PPM1D: variants seen among roughly 807,000 people sequenced by gnomAD.
The protein encoded by PPM1D is protein phosphatase, Mg2+/Mn2+ dependent 1D.
PPM1D carries 52 observed loss-of-function variants against 58.3 expected under a neutral mutation model. That is an observed-to-expected ratio of 0.89 (90% CI 0.71 to 1.12). The LOEUF is 1.12. PPM1D is among the 50% of genes most tolerant of loss of function. The pLI is 0.00. For synonymous variants in PPM1D, 278 were observed against 285.1 expected (o/e 0.98, Z 0.25); for missense variants, 564 against 777.2 (o/e 0.73, Z 3.26).
At position 60,623,598 on chromosome 17, in the gene PPM1D, A is replaced by C. The variant is rs750456751; in HGVS notation, c.550A>C (p.Lys184Gln). ...CAGTGTGGTCATCATTCGGGGCATGAAGATGTATGTAGCTCACGTAGGTGA... is the reference window on the plus strand; with the variant it reads ...CAGTGTGGTCATCATTCGGGGCATGCAGATGTATGTAGCTCACGTAGGTGA... ...TASVVIIRGM[K>Q]MYVAHVGDSG... Residue 184 changes from lysine to glutamine, a missense_variant, in exon 2 of 6, where the codon AAG becomes CAG. Transcript: ENST00000305921. 4 of 1,614,180 alleles carry C rather than the reference A, an allele frequency of 2.5e-6. No individual in the cohort carries two copies. The South Asian group carries it at 3.3e-5, about 13-fold the overall frequency.
chr17:60,623,453 C>T (rs2030745402), intron 1 of PPM1D, 68 bp from the exon 2 acceptor site: 11 of 1,415,642 alleles, frequency 7.8e-6, no homozygotes, highest in East Asian at 4.7e-5. Context: ...AGTTTGTTGC[C>T]ATTTGTATCC....
At chr17:60,648,660 G>A (rs751783210) in intron 4 of PPM1D, among the ~76,000 whole-genome samples, 22 of 151,982 alleles carry the variant, frequency 1.4e-4, no homozygotes, top group Non-Finnish European at 2.5e-4. Context: ...GATTACAGGC[G>A]TGAGCCACTG....
intron 1 of PPM1D, among the ~76,000 whole-genome samples, chr17:60,621,590 G>T (rs1358530953): frequency 7.3e-6 from 1 of 136,874 alleles, no homozygotes; most frequent in Non-Finnish European, 1.5e-5. Flanking sequence ...TTTTTGAGAC[G>T]GAGTCTCGCT....
At chr17:60,623,854 C>G in intron 2 of PPM1D, 105 bp downstream of exon 2, 1 of 1,125,804 alleles carries the variant, frequency 8.9e-7, no homozygotes, top group Non-Finnish European at 1.2e-6. Context: ...AAGTTACTTT[C>G]TTAGTATTAC....
rs1260488269 is a variant in PPM1D at position 60,600,857 on chromosome 17, C to A, written c.443C>A (p.Ala148Asp). 1 of 1,613,118 alleles carries A rather than the reference C, an allele frequency of 6.2e-7. No individual in the cohort carries two copies. Among genetic ancestry groups the A allele is most frequent in the Admixed American group, 1.7e-5 (1 of 60,036 alleles). The change falls in exon 1 of 6, where the codon GCT (alanine) becomes GAT (aspartate). Residue 148 changes from alanine to aspartate, a missense_variant. Physicochemically the swap from Ala to Asp is moderately radical, Grantham distance 126 (BLOSUM62 -2). Around this residue, in one of 7 missense-constraint regions of PPM1D, gnomAD observed 95 missense variants for 232.6 expected, o/e 0.41. Coordinates refer to ENST00000305921, the MANE Select transcript of PPM1D (RefSeq NM_003620.4). ...GCTGCCATCCGCAAAGGCTTTCTCG[C>A]TTGTCACCTTGCCATGTGGAAGAAA... ...VCAAIRKGFL[A>D]CHLAMWKKLA...
Position 60,633,845 on chromosome 17 carries a change from A to G in PPM1D, c.702-8A>G. The G allele has an allele frequency of 6.2e-7, 1 of 1,606,530 alleles. No individual in the cohort carries two copies. Among genetic ancestry groups the G allele is most frequent in the Non-Finnish European group, 8.5e-7 (1 of 1,175,234 alleles). ...TTTAGATTATTTATGTGAACTCTTT[A>G]TTTTTAGTGTAATGAACAAGTCTGG... On this transcript the variant is annotated splice_region_variant and splice_polypyrimidine_tract_variant and intron_variant, in intron 2 of 5. Transcript: ENST00000305921.
intron 1 of PPM1D, among the ~76,000 whole-genome samples, chr17:60,621,241 T>C (rs980499384): frequency 2.8e-4 from 42 of 152,204 alleles, no homozygotes; most frequent in African/African-American, 9.7e-4. Context: ...GCTTTCAATG[T>C]ATTTCTTACA....
chr17:60,623,712 C>G lies in PPM1D; in HGVS notation c.664C>G (p.Pro222Ala), dbSNP rs2030750180. The G allele has an allele frequency of 2.4e-5, 39 of 1,614,054 alleles. No individual in the cohort carries two copies. The highest frequency in any genetic ancestry group is 3.2e-5 in the Non-Finnish European group (38 of 1,180,046). The change falls in exon 2 of 6, where the codon CCC (proline) becomes GCC (alanine). Residue 222 changes from proline to alanine, a missense_variant. Pro to Ala is a conservative substitution (Grantham distance 27). Coordinates refer to ENST00000305921, the MANE Select transcript of PPM1D (RefSeq NM_003620.4). The stretch of plus-strand genomic sequence containing the variant: ...GACACAGGACCATAAGCCAGAACTT[C>G]CCAAGGAAAGAGAACGAATCGAAGG... ...EVTQDHKPEL[P>A]KERERIEGLG...
rs2031614560 is a variant in PPM1D, at chr17:60,666,254, C to T, written c.*2702C>T. The T allele has an allele frequency of 6.6e-6, 1 of 151,856 alleles. No homozygotes were observed. The highest frequency in any genetic ancestry group is 6.6e-5 in the Admixed American group (1 of 15,244). The allele number at this position is 151,856 out of a possible 1,614,324, so 9.4% of individuals were successfully genotyped here. A position where few individuals can be genotyped will look rare whatever the true frequency, so the allele number is the denominator to read the frequency against. ...AGTAAAACATCTTAATGTATTTTGT[C>T]CCTAAATAAACTATCTCACTAACAA... On this transcript the variant is annotated 3_prime_UTR_variant, in exon 6 of 6. Transcript: ENST00000305921.
chr17:60,639,423 T>C (rs2031090497), intron 3 of PPM1D, among the ~76,000 whole-genome samples: 1 of 151,836 alleles, frequency 6.6e-6, no homozygotes, highest in Admixed American at 6.6e-5. Context: ...AAACTGAACA[T>C]TTTTAATTCT....
Position 60,663,476 on chromosome 17 carries a change from G to T in PPM1D, c.1742G>T (p.Arg581Leu). The change falls in exon 6 of 6, where the codon CGA becomes CTA. Residue 581 changes from arginine (R) to leucine (L), a missense_variant. Physicochemically the swap from Arg to Leu is moderately radical, Grantham distance 102. Coordinates refer to ENST00000305921, the MANE Select transcript of PPM1D (RefSeq NM_003620.4). ...QRKNSVKLTM[R>L]RRLRGQKKIG... ...AAGAACTCTGTTAAACTCACCATGC[G>T]ACGCAGACTTAGGGGCCAGAAGAAA... The T allele has an allele frequency of 6.2e-7, 1 of 1,613,970 alleles. No homozygotes were observed.
rs763742165 is a variant in PPM1D at position 60,648,076 on chromosome 17, C to T, written c.1011C>T (p.Tyr337=). ...SMCQDQEEKK[Y]LMGEHGQSCA... ...GCCAGGACCAAGAGGAGAAAAAATA[C>T]CTGATGGTGAGATGTGATTGAATAA... Residue 337 remains tyrosine (Y), a synonymous_variant, in exon 4 of 6, where the codon TAC becomes TAT. Coordinates refer to ENST00000305921, the MANE Select transcript of PPM1D (RefSeq NM_003620.4). The T allele has an allele frequency of 1.2e-6, 2 of 1,606,482 alleles. No homozygotes were observed. Among genetic ancestry groups the T allele is most frequent in the Non-Finnish European group, 1.7e-6 (2 of 1,177,396 alleles).
chr17:60,641,045 A>G (rs989173113), intron 3 of PPM1D, among the ~76,000 whole-genome samples: 2 of 152,086 alleles, frequency 1.3e-5, no homozygotes, highest in Non-Finnish European at 2.9e-5. Context: ...GCTATTGTGA[A>G]TAGTGCTGCA....
intron 2 of PPM1D, among the ~76,000 whole-genome samples, chr17:60,631,614 A>T (rs2030922583): frequency 6.6e-6 from 1 of 151,948 alleles, no homozygotes; most frequent in Non-Finnish European, 1.5e-5. Flanking sequence ...CCAAAAAAAA[A>T]AGGGTGGGGG....
chr17:60,639,134 A>G (rs758509932), intron 3 of PPM1D, among the ~76,000 whole-genome samples: 2 of 151,948 alleles, frequency 1.3e-5, no homozygotes, highest in African/African-American at 2.4e-5. Context: ...TTTTTTTTTG[A>G]GACTGAGTTT....
intron 4 of PPM1D, among the ~76,000 whole-genome samples, chr17:60,648,453 C>T (rs746956868): frequency 3.3e-5 from 5 of 149,434 alleles, no homozygotes; most frequent in Non-Finnish European, 5.9e-5. Context: ...GGCACAATCT[C>T]GGCTCACTGC....
At chr17:60,630,339 TTAA>T (rs1240736874) in intron 2 of PPM1D, among the ~76,000 whole-genome samples, 2 of 152,204 alleles carry the variant, frequency 1.3e-5, no homozygotes, top group Non-Finnish European at 2.9e-5. Flanking sequence ...TTATTTGATT[TTAA>T]TAATGTTTTT....
At chr17:60,619,465 T>A (rs1187635985) in intron 1 of PPM1D, among the ~76,000 whole-genome samples, 1 of 152,184 alleles carries the variant, frequency 6.6e-6, no homozygotes, top group Non-Finnish European at 1.5e-5. Flanking sequence ...TCTATAATAT[T>A]TTCCATAATA....
chr17:60,656,224 G>A (rs1016876459), intron 4 of PPM1D, among the ~76,000 whole-genome samples: 6 of 151,446 alleles, frequency 4.0e-5, no homozygotes, highest in South Asian at 4.2e-4. Flanking sequence ...GGGAGGCAGA[G>A]GCGTGTGGAT....
Sources: gnomAD v4.1 joint callset for allele counts (sites outside exome capture counted in the v4.1 genomes callset) on GRCh38, gnomAD v4.1.1 for gene constraint, gnomAD v4.1.1 regional missense constraint, MANE v1.5 for transcripts, NCBI Gene and HGNC (gene_info 2026-07-23, HGNC 2026-07-21) for gene names.